NBEAL1: variants seen among roughly 807,000 people sequenced by gnomAD.
NBEAL1 encodes neurobeachin-like protein 1.
Under a neutral mutation model 351.3 loss-of-function variants are expected in NBEAL1, and 273 were observed. The observed-to-expected ratio is 0.78, with a 90% confidence interval of 0.70 to 0.86. NBEAL1 has a LOEUF of 0.86. Ranked by LOEUF, NBEAL1 falls within the 40% of genes least tolerant of loss-of-function variation. The pLI, the probability that NBEAL1 is intolerant of heterozygous loss-of-function variation, is 0.00. For missense variants in NBEAL1, 2,961 were observed against 3,201.3 expected (o/e 0.92, Z 1.81); for synonymous variants, 1,050 against 1,086.4 (o/e 0.97, Z 0.66).
intron 18 of NBEAL1, among the ~76,000 whole-genome samples, chr2:203,121,699 C>T (rs1240310259): frequency 6.6e-6 from 1 of 151,032 alleles, no homozygotes; most frequent in East Asian, 1.9e-4. Flanking sequence ...CAAGTTCTGC[C>T]TATAGCTCAT....
intron 15 of NBEAL1, 30 bp downstream of exon 15, chr2:203,110,312 C>T (rs1559372598): frequency 2.6e-6 from 4 of 1,533,912 alleles, no homozygotes; most frequent in Non-Finnish European, 3.5e-6. Flanking sequence ...CATTTAACTT[C>T]TAGTATGGTT....
intron 11 of NBEAL1, among the ~76,000 whole-genome samples, chr2:203,098,685 G>C (rs537114434): frequency 6.6e-6 from 1 of 152,068 alleles, no homozygotes; most frequent in East Asian, 1.9e-4. Flanking sequence ...AATTAGGCTA[G>C]TTTTTATTTT....
intron 3 of NBEAL1, among the ~76,000 whole-genome samples, chr2:203,048,201 G>A (rs550681778): frequency 3.3e-5 from 5 of 151,880 alleles, no homozygotes; most frequent in Non-Finnish European, 7.4e-5. Flanking sequence ...GGCCAACATG[G>A]TGAAACCCCG....
rs1273369237 is a variant in NBEAL1 at position 203,144,804 on chromosome 2, C to T, written c.5053C>T (p.His1685Tyr). 3.1e-6 allele frequency: 5 copies of T among 1,614,000 alleles called. No individual in the cohort carries two copies. The highest frequency in any genetic ancestry group is 2.2e-5 in the East Asian group (1 of 44,870). The change falls in exon 32 of 56, where the codon CAC becomes TAC. Residue 1685 changes from histidine to tyrosine, a missense_variant. Transcript: ENST00000683969. ...KIYELLFMNL[H>Y]LPSLPFTNGS... ...TTATGAGCTTCTCTTCATGAACTTG[C>T]ACCTACCTTCTTTACCTTTTACCAA...
At position 203,084,538 on chromosome 2, in the gene NBEAL1, A is replaced by T; in HGVS notation, c.1067A>T (p.Glu356Val). ...QAIFLNSNCF[E>V]HLIRLLQNCK... ...ATTTTTCTTAACAGCAATTGCTTTG[A>T]ACATCTCATACGACTGCTACAGAAC... is the stretch of plus-strand genomic sequence containing the variant. The change falls in exon 10 of 56, where the codon GAA becomes GTA. Residue 356 changes from glutamate (E) to valine (V), a missense_variant. Glu to Val is a moderately radical substitution (Grantham distance 121, BLOSUM62 -2). Coordinates refer to ENST00000683969, the MANE Select transcript of NBEAL1 (RefSeq NM_001378026.1). The T allele has an allele frequency of 1.9e-6, 3 of 1,542,204 alleles. No individual in the cohort carries two copies. Among genetic ancestry groups the T allele is most frequent in the Non-Finnish European group, 1.8e-6 (2 of 1,141,886 alleles).
chr2:203,045,556 T>G (rs193154637), intron 3 of NBEAL1, among the ~76,000 whole-genome samples: 8 of 152,362 alleles, frequency 5.3e-5, no homozygotes, highest in South Asian at 4.1e-4. Flanking sequence ...CCTTATAATA[T>G]GCTTTGTGGC....
chr2:203,115,948 A>G (rs1420854674), intron 17 of NBEAL1, 37 bp from the exon 18 acceptor site: 2 of 1,304,048 alleles, frequency 1.5e-6, no homozygotes, highest in Non-Finnish European at 2.2e-6. Flanking sequence ...GACCATATAT[A>G]TTCAATGGTG....
chr2:203,204,859 G>A (rs569803349), intron 51 of NBEAL1, among the ~76,000 whole-genome samples: 1 of 151,904 alleles, frequency 6.6e-6, no homozygotes, highest in East Asian at 1.9e-4. Flanking sequence ...CAATTATATC[G>A]AATTACTTTG....
Position 203,149,232 on chromosome 2 carries a change from C to G in NBEAL1, c.5462+84C>G. On this transcript the variant is annotated intron_variant, in intron 34 of 55. Coordinates refer to ENST00000683969, the MANE Select transcript of NBEAL1 (RefSeq NM_001378026.1). ...TTTTGAGCAAATGCCCCCTTTCACT[C>G]CAATTTCTTAAATGTTCAATTCATA... is the stretch of plus-strand genomic sequence containing the variant. The G allele has an allele frequency of 2.2e-6, 2 of 912,368 alleles. 1 individual carries two copies. Among genetic ancestry groups the G allele is most frequent in the South Asian group, 5.6e-5 (2 of 35,876 alleles). 56.5% of individuals were successfully genotyped at this position (912,368 alleles called of 1,614,324 possible).
chr2:203,048,625 C>T (rs146380145), intron 3 of NBEAL1, among the ~76,000 whole-genome samples: 3 of 152,214 alleles, frequency 2.0e-5, no homozygotes, highest in East Asian at 1.9e-4. Flanking sequence ...GGTACTTCAG[C>T]GTCCATAGGG....
intron 6 of NBEAL1, among the ~76,000 whole-genome samples, chr2:203,059,711 A>G (rs556907529): frequency 6.6e-6 from 1 of 152,312 alleles, no homozygotes; most frequent in East Asian, 1.9e-4. Flanking sequence ...TGCCCTGCTT[A>G]TGAGTCTTTA....
intron 20 of NBEAL1, 113 bp downstream of exon 20, chr2:203,125,633 AG>A: frequency 9.8e-7 from 1 of 1,016,096 alleles, no homozygotes; most frequent in Non-Finnish European, 1.3e-6. Flanking sequence ...TTGTAGCTGT[AG>A]CAGTTGTTTC....
rs909485138 is a variant in NBEAL1 at position 203,101,657 on chromosome 2, G to A, written c.1269+1945G>A. Among the ~76,000 whole-genome samples, 7 of 152,092 alleles carry A rather than the reference G, an allele frequency of 4.6e-5. No homozygotes were observed. In the South Asian group the frequency reaches 6.2e-4, roughly 14 times the overall value. ...CTCACCCAGGTTAGAGTGTAGTGGC[G>A]TGATCCTAGCTCACTGCAACCTCCA... On this transcript the variant is annotated intron_variant, in intron 12 of 55. Coordinates refer to ENST00000683969, the MANE Select transcript of NBEAL1 (RefSeq NM_001378026.1).
intron 6 of NBEAL1, among the ~76,000 whole-genome samples, chr2:203,065,934 A>G (rs1441624018): frequency 2.6e-5 from 4 of 152,248 alleles, no homozygotes; most frequent in Non-Finnish European, 5.9e-5. Flanking sequence ...ATATTCTACA[A>G]ATGGTATAAG....
intron 33 of NBEAL1, 46 bp downstream of exon 33, chr2:203,145,206 G>A (rs749772440): frequency 6.4e-7 from 1 of 1,552,866 alleles, no homozygotes; most frequent in South Asian, 1.2e-5. Context: ...GTTGATTTTA[G>A]GCATTTAATA....
intron 3 of NBEAL1, among the ~76,000 whole-genome samples, chr2:203,047,890 A>G (rs1374640325): frequency 6.6e-6 from 1 of 151,720 alleles, no homozygotes; most frequent in East Asian, 1.9e-4. Flanking sequence ...CCACAGACAT[A>G]TACCACTATA....
At chr2:203,198,628 G>A (rs2065304401) in intron 48 of NBEAL1, among the ~76,000 whole-genome samples, 1 of 151,980 alleles carries the variant, frequency 6.6e-6, no homozygotes, top group Non-Finnish European at 1.5e-5. Flanking sequence ...AACTTGGGAG[G>A]CTGTGGGTGG....
intron 1 of NBEAL1, chr2:203,015,690 C>G (rs201963076): frequency 6.6e-6 from 1 of 152,436 alleles, no homozygotes; most frequent in Non-Finnish European, 1.5e-5. Flanking sequence ...TCTCGAACTC[C>G]TGACCTCAGG....
chr2:203,126,738 A>G (rs1402865397), intron 22 of NBEAL1, 22 bp downstream of exon 22: 2 of 1,511,866 alleles, frequency 1.3e-6, no homozygotes, highest in Non-Finnish European at 1.8e-6. Context: ...CTTTCAGATA[A>G]ACATTTTATA....
Sources: allele counts gnomAD v4.1 joint callset (sites outside exome capture counted in the v4.1 genomes callset), GRCh38; gene constraint gnomAD v4.1.1; transcripts MANE v1.5; gene names NCBI Gene and HGNC (gene_info 2026-07-23, HGNC 2026-07-21).